The following CDH11 variants were observed in gnomAD, a reference collection of about 807,000 sequenced individuals.
CDH11 encodes cadherin 11, also known as cadherin-11.
Under a neutral mutation model 67.8 loss-of-function variants are expected in CDH11, and 11 were observed. The ratio of observed to expected loss-of-function variants is 0.16; its 90% CI spans 0.10 to 0.27. The LOEUF is 0.27. CDH11 is among the 10% of genes least tolerant of loss of function. CDH11 has a pLI of 1.00. For synonymous variants in CDH11, 419 were observed against 400.0 expected (o/e 1.05, Z -0.57); for missense variants, 847 against 1,031.2 (o/e 0.82, Z 2.45).
intron 6 of CDH11, chr16:64,991,507 A>G (rs1000180212): frequency 1.4e-5 from 6 of 422,466 alleles, no homozygotes; most frequent in Admixed American, 1.4e-4. Context: ...TACCAAGCAA[A>G]ATACTTAGCA....
intron 11 of CDH11, among the ~76,000 whole-genome samples, chr16:64,961,249 T>C (rs2071667004): frequency 6.6e-6 from 1 of 152,182 alleles, no homozygotes; most frequent in Non-Finnish European, 1.5e-5. Context: ...AGAGGCTTCA[T>C]GGTTTACAAA....
intron 3 of CDH11, 38 bp from the exon 4 acceptor site, chr16:64,998,894 G>C: frequency 6.4e-7 from 1 of 1,566,908 alleles, no homozygotes; most frequent in Non-Finnish European, 8.8e-7. Context: ...AATTCCATGA[G>C]GAAAGCAGTG....
chr16:65,105,747 T>C, intron 1 of CDH11, among the ~76,000 whole-genome samples: 1 of 152,220 alleles, frequency 6.6e-6, no homozygotes, highest in Middle Eastern at 3.2e-3. Flanking sequence ...ACACAATCAA[T>C]GTCACTCTCT....
At chr16:65,083,622 T>A (rs553019361) in intron 1 of CDH11, among the ~76,000 whole-genome samples, 1 of 152,320 alleles carries the variant, frequency 6.6e-6, no homozygotes, top group Admixed American at 6.5e-5. Context: ...GCAAGACATA[T>A]CTTGACACAA....
At chr16:65,018,832 A>G (rs2073366799) in intron 2 of CDH11, among the ~76,000 whole-genome samples, 1 of 152,174 alleles carries the variant, frequency 6.6e-6, no homozygotes, top group Non-Finnish European at 1.5e-5. Flanking sequence ...CTACTCATCA[A>G]AATCCTGTAT....
At chr16:65,031,440 A>G (rs1022588350) in intron 2 of CDH11, among the ~76,000 whole-genome samples, 5 of 152,250 alleles carry the variant, frequency 3.3e-5, no homozygotes, top group Non-Finnish European at 7.3e-5. Context: ...GCAGAGTCAC[A>G]TAAACCAAGG....
intron 2 of CDH11, among the ~76,000 whole-genome samples, chr16:65,045,047 G>A (rs1010842713): frequency 3.3e-5 from 5 of 151,668 alleles, no homozygotes; most frequent in Admixed American, 6.6e-5. Flanking sequence ...CGTGTGCTCC[G>A]GCTGAAACCA....
rs772896030 is a variant in CDH11, at chr16:65,004,860, TCTC to T, written c.7_9del (p.Glu3del). ...ACCAGGGCGGCTTGTAAACAGTAGT[TCTC>T]CTTCATTTTTGGTTACGTGGTAGGC... On this transcript the variant is annotated inframe_deletion, in exon 3 of 13. Coordinates refer to ENST00000268603, the MANE Select transcript of CDH11 (RefSeq NM_001797.4). The T allele has an allele frequency of 5.2e-6, 8 of 1,528,124 alleles. No individual in the cohort carries two copies. Among genetic ancestry groups the T allele is most frequent in the Non-Finnish European group, 6.2e-6 (7 of 1,133,246 alleles). The allele number at this position is 1,528,124 out of a possible 1,614,324, so 94.7% of individuals were successfully genotyped here. A position where few individuals can be genotyped will look rare whatever the true frequency, so the allele number is the denominator to read the frequency against.
intron 1 of CDH11, among the ~76,000 whole-genome samples, chr16:65,072,992 T>C (rs1435940890): frequency 6.6e-6 from 1 of 152,244 alleles, no homozygotes; most frequent in Non-Finnish European, 1.5e-5. Context: ...TTGATCATTA[T>C]CATCATCATT....
intron 1 of CDH11, among the ~76,000 whole-genome samples, chr16:65,073,317 C>T (rs1048082520): frequency 7.2e-5 from 11 of 152,196 alleles, no homozygotes; most frequent in Admixed American, 5.9e-4. Context: ...ACAGAGTCTC[C>T]CTCTTTCACC....
chr16:64,951,507 G>A (rs2071360436), intron 11 of CDH11, among the ~76,000 whole-genome samples: 1 of 151,940 alleles, frequency 6.6e-6, no homozygotes, highest in Non-Finnish European at 1.5e-5. Context: ...CACCGAAAAT[G>A]GTGCGGCAGG....
Position 64,998,660 on chromosome 16 carries a change from G to A in CDH11, c.425C>T (p.Pro142Leu). Residue 142 changes from proline to leucine, a missense_variant, in exon 4 of 13, where the codon CCG becomes CTG. Physicochemically the swap from Pro to Leu is moderately conservative, Grantham distance 98 (BLOSUM62 -3). This residue lies in a region of CDH11 where 235 missense variants were observed against 352.5 expected (regional missense o/e 0.67). Coordinates refer to ENST00000268603, the MANE Select transcript of CDH11 (RefSeq NM_001797.4). ...DRDTNRPLEP[P>L]SEFIVKVQDI... ...CTGGACCTTGACAATGAATTCCGAC[G>A]GTGGCTCCAGTGGCCGATTGGTGTC... The A allele has an allele frequency of 4.3e-6, 7 of 1,614,072 alleles. No homozygotes were observed. Among genetic ancestry groups the A allele is most frequent in the Non-Finnish European group, 5.9e-6 (7 of 1,180,018 alleles).
intron 2 of CDH11, among the ~76,000 whole-genome samples, chr16:65,051,178 T>C (rs1052409715): frequency 6.6e-5 from 10 of 152,158 alleles, no homozygotes; most frequent in South Asian, 2.1e-4. Flanking sequence ...TTTTCAATCA[T>C]TGGTTTATTC....
chr16:65,089,404 G>A (rs561350223), intron 1 of CDH11, among the ~76,000 whole-genome samples: 178 of 152,204 alleles, frequency 1.2e-3, no homozygotes, highest in Non-Finnish European at 1.7e-3. Flanking sequence ...AATAGAAAAC[G>A]ATTTTTAAAA....
At chr16:65,030,204 T>C (rs2073615205) in intron 2 of CDH11, among the ~76,000 whole-genome samples, 1 of 152,154 alleles carries the variant, frequency 6.6e-6, no homozygotes, top group Admixed American at 6.5e-5. Flanking sequence ...GGGAGCCAGA[T>C]TTGGCAAACT....
chr16:64,970,088 C>T (rs1369083359), intron 11 of CDH11, among the ~76,000 whole-genome samples: 1 of 152,128 alleles, frequency 6.6e-6, no homozygotes, highest in Non-Finnish European at 1.5e-5. Context: ...GTTTCGTAGG[C>T]TTCTTTAAAA....
intron 1 of CDH11, among the ~76,000 whole-genome samples, chr16:65,116,395 A>G (rs2075245815): frequency 6.6e-6 from 1 of 152,196 alleles, no homozygotes; most frequent in Non-Finnish European, 1.5e-5. Context: ...ACTGGTTGCC[A>G]TGCGAGGTGA....
In CDH11 at chr16:64,947,314, C is replaced by T; in HGVS notation, c.*289G>A. 1 of 1,186,044 alleles carries T rather than the reference C, an allele frequency of 8.4e-7. No homozygotes were observed. The highest frequency in any genetic ancestry group is 3.9e-5 in the East Asian group (1 of 25,938). The allele number at this position is 1,186,044 out of a possible 1,614,324, so 73.5% of individuals were successfully genotyped here. Reference sequence around the variant, plus strand: ...CACATAAACAATTTCCCTTCATTGTCAGTTCAGCGTTAGACTTCTCCTTCA... The same window carrying T: ...CACATAAACAATTTCCCTTCATTGTTAGTTCAGCGTTAGACTTCTCCTTCA... On this transcript the variant is annotated 3_prime_UTR_variant, in exon 13 of 13. Transcript: ENST00000268603.
At chr16:65,038,209 G>C (rs2073792119) in intron 2 of CDH11, among the ~76,000 whole-genome samples, 1 of 152,002 alleles carries the variant, frequency 6.6e-6, no homozygotes, top group Non-Finnish European at 1.5e-5. Flanking sequence ...CTGGCAGGGG[G>C]ATTACAAGCA....
Sources: gnomAD v4.1 joint callset for allele counts (sites outside exome capture counted in the v4.1 genomes callset) on GRCh38, gnomAD v4.1.1 for gene constraint, gnomAD v4.1.1 regional missense constraint, MANE v1.5 for transcripts, NCBI Gene and HGNC (gene_info 2026-07-23, HGNC 2026-07-21) for gene names.